Variants in ICA1 observed in about 807,000 individuals in gnomAD.
ICA1 encodes the protein 69 kDa islet cell autoantigen.
In ICA1, 40 loss-of-function variants were observed where a neutral mutation model predicts 71.0. That is an observed-to-expected ratio of 0.56 (90% CI 0.44 to 0.73). The LOEUF (loss-of-function observed/expected upper bound fraction) is 0.73, where lower values mean the gene tolerates loss of function less well. Ranked by LOEUF, ICA1 falls within the 30% of genes least tolerant of loss-of-function variation. The probability of loss-of-function intolerance (pLI) is 0.00; values close to 1 mark genes in which losing one functional copy is unlikely to be tolerated. For missense variants in ICA1, 578 were observed against 576.5 expected (o/e 1.00, Z -0.03); for synonymous variants, 207 against 209.5 (o/e 0.99, Z 0.10).
At chr7:8,119,814 C>G (rs1786165622) in intron 13 of ICA1, among the ~76,000 whole-genome samples, 1 of 152,116 alleles carries the variant, frequency 6.6e-6, no homozygotes, top group South Asian at 2.1e-4. Context: ...CCACTGTACT[C>G]CAGCCTGAGT....
chr7:8,199,253 A>G (rs375668282), intron 6 of ICA1, among the ~76,000 whole-genome samples: 4 of 152,376 alleles, frequency 2.6e-5, no homozygotes, highest in South Asian at 2.1e-4. Context: ...GGAAATCAGT[A>G]TATCAAAGAC....
chr7:8,217,959 T>C (rs1173328522), intron 6 of ICA1, among the ~76,000 whole-genome samples: 1 of 152,234 alleles, frequency 6.6e-6, no homozygotes, highest in South Asian at 2.1e-4. Context: ...TCCCCAGTAG[T>C]CTGTTCTAAC....
chr7:8,146,880 A>G (rs62435398), intron 8 of ICA1, among the ~76,000 whole-genome samples: 1,740 of 80,576 alleles, frequency 0.022, 47 homozygotes, highest in South Asian at 0.19. Flanking sequence ...ACACACACAC[A>G]CGCACACACA....
At chr7:8,242,966 C>G (rs1804534676) in intron 1 of ICA1, among the ~76,000 whole-genome samples, 1 of 152,164 alleles carries the variant, frequency 6.6e-6, no homozygotes, top group Non-Finnish European at 1.5e-5. Context: ...GACGGATTCA[C>G]AGCCGAATTC....
intron 1 of ICA1, among the ~76,000 whole-genome samples, chr7:8,252,559 T>A (rs1003997781): frequency 3.3e-5 from 5 of 152,138 alleles, no homozygotes; most frequent in Non-Finnish European, 7.4e-5. Context: ...ACGGCTGGTA[T>A]GAATTCAGAT....
chr7:8,259,714 T>C (rs1040328623), intron 1 of ICA1, among the ~76,000 whole-genome samples: 5 of 152,182 alleles, frequency 3.3e-5, no homozygotes, highest in African/African-American at 9.7e-5. Context: ...AGTTAGGTGT[T>C]ACCGCAGGGA....
chr7:8,237,640 C>G (rs1017112310), intron 1 of ICA1, among the ~76,000 whole-genome samples: 21 of 152,124 alleles, frequency 1.4e-4, no homozygotes, highest in African/African-American at 5.1e-4. Flanking sequence ...GTTTCTGATT[C>G]TATGAATTTG....
At position 8,138,895 on chromosome 7, in the gene ICA1, G is replaced by C; in HGVS notation, c.1019-14C>G. The C allele has an allele frequency of 6.2e-7, 1 of 1,603,894 alleles. No individual in the cohort carries two copies. The highest frequency in any genetic ancestry group is 8.5e-7 in the Non-Finnish European group (1 of 1,171,232). On this transcript the variant is annotated splice_polypyrimidine_tract_variant and intron_variant, in intron 11 of 13. Transcript: ENST00000402384. Reference sequence around the variant, plus strand: ...CATCTATGGGTCCTTTAGAGAAGAGGAAAGAAAACAAAATTATAAGTCAGT... The same window carrying C: ...CATCTATGGGTCCTTTAGAGAAGAGCAAAGAAAACAAAATTATAAGTCAGT...
At chr7:8,122,549 G>A (rs1787402702) in intron 13 of ICA1, among the ~76,000 whole-genome samples, 2 of 152,276 alleles carry the variant, frequency 1.3e-5, no homozygotes, top group African/African-American at 4.8e-5. Flanking sequence ...ATTGCCTTGT[G>A]CTGAGAGTGC....
chr7:8,207,490 G>A (rs778368742), intron 6 of ICA1, among the ~76,000 whole-genome samples: 26 of 152,118 alleles, frequency 1.7e-4, no homozygotes, highest in Admixed American at 1.1e-3. Context: ...TTCTTCACTT[G>A]GGATAATTTT....
At chr7:8,122,781 CAA>C (rs974635618) in intron 13 of ICA1, among the ~76,000 whole-genome samples, 12 of 152,188 alleles carry the variant, frequency 7.9e-5, no homozygotes, top group African/African-American at 2.9e-4. Flanking sequence ...TTCGGTAAAA[CAA>C]AAGAATACCG....
At chr7:8,251,609 A>C (rs1171568786) in intron 1 of ICA1, among the ~76,000 whole-genome samples, 1 of 151,984 alleles carries the variant, frequency 6.6e-6, no homozygotes, top group Non-Finnish European at 1.5e-5. Context: ...GTCCAAGATC[A>C]GGTTAAAGGT....
chr7:8,220,404 A>G (rs1305269991), intron 5 of ICA1, among the ~76,000 whole-genome samples: 3 of 152,228 alleles, frequency 2.0e-5, no homozygotes, highest in African/African-American at 7.2e-5. Flanking sequence ...ACGGAGGGAA[A>G]GCAGCAAGGA....
chr7:8,202,080 G>T (rs1379588785), intron 6 of ICA1, among the ~76,000 whole-genome samples: 1 of 152,184 alleles, frequency 6.6e-6, no homozygotes, highest in Non-Finnish European at 1.5e-5. Flanking sequence ...AAAAAGAGAT[G>T]ATTTAAAACA....
chr7:8,195,211 T>G (rs1214654877), intron 6 of ICA1, among the ~76,000 whole-genome samples: 2 of 152,138 alleles, frequency 1.3e-5, no homozygotes, highest in Non-Finnish European at 2.9e-5. Context: ...TCCAAAATAC[T>G]GACATCAAAT....
intron 13 of ICA1, among the ~76,000 whole-genome samples, chr7:8,121,498 G>A (rs1160585825): frequency 6.6e-6 from 1 of 152,104 alleles, no homozygotes; most frequent in Non-Finnish European, 1.5e-5. Context: ...TAAGCCAGGC[G>A]CAGAAAGACA....
intron 1 of ICA1, among the ~76,000 whole-genome samples, chr7:8,257,208 G>C (rs556922510): frequency 6.6e-6 from 1 of 152,352 alleles, no homozygotes; most frequent in East Asian, 1.9e-4. Context: ...TTCCTTGATA[G>C]TTGTCAGGGT....
At chr7:8,210,485 G>C (rs1000732889) in intron 6 of ICA1, among the ~76,000 whole-genome samples, 38 of 152,106 alleles carry the variant, frequency 2.5e-4, no homozygotes, top group African/African-American at 9.2e-4. Context: ...CGAACTAAAA[G>C]CAGAAATAAT....
rs570485868 is a variant in ICA1, at chr7:8,133,404, C to T, written c.1061-5262G>A. Among the ~76,000 whole-genome samples the T allele has an allele frequency of 1.0e-3, 158 of 152,288 alleles. 1 individual carries two copies. Among genetic ancestry groups the T allele is most frequent in the African/African-American group, 3.7e-3 (155 of 41,558 alleles). On this transcript the variant is annotated intron_variant, in intron 12 of 13. Coordinates refer to ENST00000402384, the MANE Select transcript of ICA1 (RefSeq NM_001136020.3). ...AATGCCTTCTGAGTAGCTGGGACTA[C>T]AGGCACATGCCACCATGCCTGGCTA...
Sources: allele counts gnomAD v4.1 joint callset (sites outside exome capture counted in the v4.1 genomes callset), GRCh38; gene constraint gnomAD v4.1.1; transcripts MANE v1.5; gene names NCBI Gene and HGNC (gene_info 2026-07-23, HGNC 2026-07-21).